The following BCL11A variants were observed in gnomAD, a reference collection of about 807,000 sequenced individuals.
The protein encoded by BCL11A is BCL11 transcription factor A.
Under a neutral mutation model 55.9 loss-of-function variants are expected in BCL11A, and 2 were observed. The observed-to-expected ratio is 0.04, with a 90% CI of 0.01 to 0.11. BCL11A has a LOEUF of 0.11. Ranked by LOEUF, BCL11A falls within the 10% of genes least tolerant of loss-of-function variation. The pLI is 1.00. For synonymous variants in BCL11A, 465 were observed against 473.4 expected (o/e 0.98, Z 0.23); for missense variants, 817 against 1,137.1 (o/e 0.72, Z 4.05).
chr2:60,455,326 T>C (rs1675890009), downstream of BCL11A, among the ~76,000 whole-genome samples: 1 of 152,196 alleles, frequency 6.6e-6, no homozygotes, highest in African/African-American at 2.4e-5. Flanking sequence ...ATCTTACTAT[T>C]GGAAATGTGC....
rs1676053453 is a variant in BCL11A, at chr2:60,458,502, C to A, written c.*1902G>T. 1 of 1,032,968 alleles carries A rather than the reference C, an allele frequency of 9.7e-7. No homozygotes were observed. 64.0% of individuals were successfully genotyped at this position (1,032,968 alleles called of 1,614,324 possible). ...CTTGCACTGTAGAAGCGAAAGCAATCATTCATTTCTATGTTAAGTGTATTC... is the reference window on the plus strand; with the variant it reads ...CTTGCACTGTAGAAGCGAAAGCAATAATTCATTTCTATGTTAAGTGTATTC... On this transcript the variant is annotated 3_prime_UTR_variant, in exon 4 of 4. Transcript: ENST00000642384.
At position 60,553,322 on chromosome 2, in the gene BCL11A, G is replaced by C; in HGVS notation, c.-52C>G. 2.0e-6 allele frequency: 3 copies of C among 1,510,548 alleles called. No individual in the cohort carries two copies. Among genetic ancestry groups the C allele is most frequent in the Non-Finnish European group, 2.6e-6 (3 of 1,132,200 alleles). The allele number at this position is 1,510,548 out of a possible 1,614,324, so 93.6% of individuals were successfully genotyped here. A position where few individuals can be genotyped will look rare whatever the true frequency, so the allele number is the denominator to read the frequency against. ...GCGGCGGCGGCGGCGGCGGGCGGACGACGGCTCGGTTCACATCGGGAGAGC... is the reference window on the plus strand; with the variant it reads ...GCGGCGGCGGCGGCGGCGGGCGGACCACGGCTCGGTTCACATCGGGAGAGC... On this transcript the variant is annotated 5_prime_UTR_variant, in exon 1 of 4. Transcript: ENST00000642384.
chr2:60,547,325 C>T (rs1025862365), intron 1 of BCL11A, among the ~76,000 whole-genome samples: 8 of 152,116 alleles, frequency 5.3e-5, no homozygotes, highest in Non-Finnish European at 1.0e-4. Context: ...ACTATTTCTG[C>T]ACACATAATC....
intron 2 of BCL11A, among the ~76,000 whole-genome samples, chr2:60,521,107 A>ACTCT (rs1375530514): frequency 1.5e-4 from 20 of 137,848 alleles, no homozygotes; most frequent in African/African-American, 5.5e-4. Context: ...ACACTCACAC[A>ACTCT]CACACACACA....
At chr2:60,542,566 A>G (rs1669970954) in intron 2 of BCL11A, 1 of 152,276 alleles carries the variant, frequency 6.6e-6, no homozygotes, top group African/African-American at 2.4e-5. Context: ...CTAAATTAAT[A>G]CTACTTCAAT....
chr2:60,545,609 C>T (rs144000929), intron 2 of BCL11A: 64 of 213,618 alleles, frequency 3.0e-4, no homozygotes, highest in Non-Finnish European at 2.3e-4. Flanking sequence ...TTGCCTCTGA[C>T]ACGTCACCAA....
intron 1 of BCL11A, among the ~76,000 whole-genome samples, chr2:60,547,802 T>C (rs951845455): frequency 2.0e-5 from 3 of 152,210 alleles, no homozygotes; most frequent in African/African-American, 7.2e-5. Flanking sequence ...CTGGAGTAAC[T>C]CCCAGATGTG....
chr2:60,523,231 A>G (rs551218296), intron 2 of BCL11A, among the ~76,000 whole-genome samples: 2 of 152,320 alleles, frequency 1.3e-5, no homozygotes, highest in South Asian at 2.1e-4. Flanking sequence ...GAGAAAGAAT[A>G]AACACCAGTC....
intron 2 of BCL11A, chr2:60,527,684 G>T (rs1315156962): frequency 2.0e-5 from 3 of 152,266 alleles, no homozygotes; most frequent in Admixed American, 1.3e-4. Flanking sequence ...TCCGATACTC[G>T]CCAGTGCTGA....
At chr2:60,467,205 CGG>C (rs1676724417) in intron 3 of BCL11A, among the ~76,000 whole-genome samples, 1 of 22,464 alleles carries the variant, frequency 4.5e-5, no homozygotes, top group Non-Finnish European at 9.4e-5. Context: ...GTGGTGATGG[CGG>C]TGATGGTACT....
Position 60,457,398 on chromosome 2 carries a change from A to G in BCL11A, c.*3006T>C. The stretch of plus-strand genomic sequence containing the variant: ...AAAAATAAAAACAAAGAAAAATAAA[A>G]GATCAAATTAAGTGCCTCTGTTTTG... On this transcript the variant is annotated 3_prime_UTR_variant, in exon 4 of 4. Coordinates refer to ENST00000642384, the MANE Select transcript of BCL11A (RefSeq NM_022893.4). 1 of 1,027,316 alleles carries G rather than the reference A, an allele frequency of 9.7e-7. No individual in the cohort carries two copies. Among genetic ancestry groups the G allele is most frequent in the Non-Finnish European group, 1.2e-6 (1 of 852,724 alleles). The allele number at this position is 1,027,316 out of a possible 1,614,324, so 63.6% of individuals were successfully genotyped here.
At chr2:60,495,768 T>C (rs373620456) in intron 2 of BCL11A, 11 of 152,184 alleles carry the variant, frequency 7.2e-5, no homozygotes, top group African/African-American at 2.4e-4. Context: ...AAAAGGTACC[T>C]GGAAAACTGT....
At chr2:60,510,735 A>C (rs905825439) in intron 2 of BCL11A, among the ~76,000 whole-genome samples, 4 of 152,192 alleles carry the variant, frequency 2.6e-5, no homozygotes, top group Non-Finnish European at 5.9e-5. Context: ...CACAATTCCA[A>C]ACTGCCAGGA....
chr2:60,531,515 CATA>C (rs1208303021), intron 2 of BCL11A, among the ~76,000 whole-genome samples: 2 of 152,132 alleles, frequency 1.3e-5, no homozygotes, highest in Non-Finnish European at 2.9e-5. Flanking sequence ...TAATAAAATA[CATA>C]ATAAATAATA....
intron 2 of BCL11A, among the ~76,000 whole-genome samples, chr2:60,513,512 ACTC>A (rs1308816964): frequency 1.3e-5 from 2 of 151,766 alleles, no homozygotes; most frequent in Non-Finnish European, 2.9e-5. Flanking sequence ...TCTAGCCAGA[ACTC>A]CTGCTGCTTC....
chr2:60,507,390 G>A (rs1285452764), intron 2 of BCL11A, among the ~76,000 whole-genome samples: 2 of 141,890 alleles, frequency 1.4e-5, no homozygotes, highest in Non-Finnish European at 3.0e-5. Flanking sequence ...AGGGAGGGAA[G>A]GAGGGCCCTT....
intron 1 of BCL11A, among the ~76,000 whole-genome samples, chr2:60,552,895 G>C (rs1024913832): frequency 6.6e-6 from 1 of 152,076 alleles, no homozygotes; most frequent in Non-Finnish European, 1.5e-5. Context: ...GGCGGGGCGG[G>C]GGGGGAGTGG....
intron 2 of BCL11A, among the ~76,000 whole-genome samples, chr2:60,514,851 A>T (rs182134637): frequency 2.1e-4 from 32 of 149,582 alleles, no homozygotes; most frequent in Admixed American, 6.6e-4. Flanking sequence ...TCTTGCATAC[A>T]CATACACTAA....
intron 2 of BCL11A, among the ~76,000 whole-genome samples, chr2:60,496,400 C>G (rs1396229884): frequency 6.6e-6 from 1 of 152,168 alleles, no homozygotes; most frequent in Non-Finnish European, 1.5e-5. Context: ...ATTTCCCAGG[C>G]AGAGACAGAG....
Sources: allele counts gnomAD v4.1 joint callset (sites outside exome capture counted in the v4.1 genomes callset), GRCh38; gene constraint gnomAD v4.1.1; transcripts MANE v1.5; gene names NCBI Gene and HGNC (gene_info 2026-07-23, HGNC 2026-07-21).